MACROD2: variants seen among roughly 807,000 people sequenced by gnomAD.
MACROD2 encodes the protein ADP-ribose glycohydrolase MACROD2.
In MACROD2, 36 loss-of-function variants were observed where a neutral mutation model predicts 70.4. The ratio of observed to expected loss-of-function variants is 0.51; its 90% confidence interval spans 0.39 to 0.68. The LOEUF is 0.68. MACROD2 is among the 30% of genes least tolerant of loss of function. The probability of loss-of-function intolerance (pLI) is 0.00; values close to 1 mark genes in which losing one functional copy is unlikely to be tolerated. For synonymous variants in MACROD2, 172 were observed against 178.8 expected (o/e 0.96, Z 0.30); for missense variants, 496 against 538.4 (o/e 0.92, Z 0.78).
intron 15 of MACROD2, 132 bp from the exon 16 acceptor site, chr20:16,041,069 T>C: frequency 1.3e-6 from 1 of 757,352 alleles, no homozygotes; most frequent in Non-Finnish European, 2.2e-6. Context: ...CTTTTAACCT[T>C]TTCTGCAAAA....
At chr20:14,963,959 T>G (rs2074607713) in intron 5 of MACROD2, among the ~76,000 whole-genome samples, 1 of 152,178 alleles carries the variant, frequency 6.6e-6, no homozygotes, top group African/African-American at 2.4e-5. Context: ...AAATTACAGT[T>G]TTTTGCATTC....
intron 3 of MACROD2, among the ~76,000 whole-genome samples, chr20:14,242,921 A>T (rs993988505): frequency 5.9e-5 from 9 of 152,202 alleles, no homozygotes; most frequent in Non-Finnish European, 1.3e-4. Context: ...AATTAAACAG[A>T]TACTATCACG....
chr20:15,289,124 A>T (rs574185506), intron 6 of MACROD2, among the ~76,000 whole-genome samples: 1 of 152,168 alleles, frequency 6.6e-6, no homozygotes, highest in Non-Finnish European at 1.5e-5. Flanking sequence ...TGCTAATCAC[A>T]TGGTCTTAAA....
At chr20:15,616,053 C>A (rs1449542046) in intron 8 of MACROD2, among the ~76,000 whole-genome samples, 2 of 151,480 alleles carry the variant, frequency 1.3e-5, no homozygotes, top group East Asian at 3.9e-4. Flanking sequence ...TAGGTATACA[C>A]CCCTGGTGGG....
intron 3 of MACROD2, among the ~76,000 whole-genome samples, chr20:14,378,549 C>G (rs909189240): frequency 1.1e-4 from 17 of 152,314 alleles, no homozygotes; most frequent in Non-Finnish European, 1.0e-4. Context: ...TCTTCCCTTA[C>G]TCCCAAGAGC....
At chr20:14,143,070 G>T (rs2054898392) in intron 3 of MACROD2, among the ~76,000 whole-genome samples, 1 of 152,070 alleles carries the variant, frequency 6.6e-6, no homozygotes, top group Admixed American at 6.6e-5. Flanking sequence ...TTCTAAAATT[G>T]AAGTCATCTC....
chr20:15,157,284 A>G (rs1223283792), intron 5 of MACROD2, among the ~76,000 whole-genome samples: 1 of 151,440 alleles, frequency 6.6e-6, no homozygotes, highest in Non-Finnish European at 1.5e-5. Flanking sequence ...ATGCTCTCAG[A>G]GAGAAGGGCA....
intron 4 of MACROD2, among the ~76,000 whole-genome samples, chr20:14,522,181 G>A (rs934455802): frequency 7.2e-5 from 11 of 152,052 alleles, no homozygotes; most frequent in Admixed American, 3.9e-4. Flanking sequence ...ATTTGAAAAC[G>A]ATTGGGTTAA....
chr20:15,290,874 G>A (rs1024135137), intron 6 of MACROD2, among the ~76,000 whole-genome samples: 4 of 152,160 alleles, frequency 2.6e-5, no homozygotes, highest in Non-Finnish European at 5.9e-5. Context: ...CCTAGGTGCT[G>A]GGGCAGACGC....
At chr20:14,118,780 C>G (rs11087073) in intron 3 of MACROD2, among the ~76,000 whole-genome samples, 4 of 150,342 alleles carry the variant, frequency 2.7e-5, no homozygotes, top group African/African-American at 9.8e-5. Flanking sequence ...TTTCATATTT[C>G]TTCCATTAGT....
intron 5 of MACROD2, among the ~76,000 whole-genome samples, chr20:14,815,687 C>T (rs542643424): frequency 1.3e-5 from 2 of 151,936 alleles, no homozygotes; most frequent in Non-Finnish European, 2.9e-5. Flanking sequence ...CAAGCACAAG[C>T]GATCAATAAA....
rs1045783225 is a variant in MACROD2, at chr20:14,123,974, T to C, written c.271+38246T>C. ...GCATTTTAGTTCTTTCTTTCTTCTT[T>C]CATGTATGTTTAATTTTTGAAAATA... On this transcript the variant is annotated intron_variant, in intron 3 of 17. Coordinates refer to ENST00000684519, the MANE Select transcript of MACROD2 (RefSeq NM_001351661.2). Among the ~76,000 whole-genome samples the C allele has an allele frequency of 2.6e-5, 4 of 152,300 alleles. No individual in the cohort carries two copies. In the East Asian group the frequency reaches 7.7e-4, roughly 29 times the overall value.
chr20:15,540,387 G>A (rs915387205), intron 8 of MACROD2, among the ~76,000 whole-genome samples: 2 of 152,186 alleles, frequency 1.3e-5, no homozygotes, highest in African/African-American at 2.4e-5. Context: ...ATCGTGTGGA[G>A]GATAGTTTGG....
chr20:15,019,152 A>AAC (rs139739244), intron 5 of MACROD2, among the ~76,000 whole-genome samples: 7 of 152,066 alleles, frequency 4.6e-5, no homozygotes, highest in East Asian at 1.9e-4. Flanking sequence ...TCTTCCTCTG[A>AAC]ACACACACAC....
chr20:14,287,193 C>T (rs983485527), intron 3 of MACROD2, among the ~76,000 whole-genome samples: 5 of 152,102 alleles, frequency 3.3e-5, no homozygotes, highest in African/African-American at 1.2e-4. Flanking sequence ...AATGGAGTGG[C>T]AGATGGATAT....
chr20:15,433,504 A>C (rs972888646), intron 7 of MACROD2, among the ~76,000 whole-genome samples: 3 of 150,870 alleles, frequency 2.0e-5, no homozygotes, highest in African/African-American at 7.3e-5. Flanking sequence ...GATTATACTT[A>C]ACCAAGGAGG....
chr20:14,823,500 C>T (rs1482256647), intron 5 of MACROD2, among the ~76,000 whole-genome samples: 3 of 152,078 alleles, frequency 2.0e-5, no homozygotes, highest in East Asian at 3.9e-4. Flanking sequence ...TTTCTGTATC[C>T]TTAGCACACT....
intron 5 of MACROD2, among the ~76,000 whole-genome samples, chr20:15,133,522 A>G (rs1233837197): frequency 6.6e-6 from 1 of 152,190 alleles, no homozygotes; most frequent in African/African-American, 2.4e-5. Context: ...AAACCTGGAA[A>G]TTTCCAGAGT....
At chr20:14,963,884 T>C (rs919338889) in intron 5 of MACROD2, among the ~76,000 whole-genome samples, 1 of 152,166 alleles carries the variant, frequency 6.6e-6, no homozygotes, top group East Asian at 1.9e-4. Flanking sequence ...CAAATAAATG[T>C]TGACTTCTAA....
Sources: allele counts gnomAD v4.1 joint callset (sites outside exome capture counted in the v4.1 genomes callset), GRCh38; gene constraint gnomAD v4.1.1; transcripts MANE v1.5; gene names NCBI Gene and HGNC (gene_info 2026-07-23, HGNC 2026-07-21).